SGCZ: variants seen among roughly 807,000 people sequenced by gnomAD.
SGCZ encodes the protein sarcoglycan zeta.
SGCZ carries 40 observed loss-of-function variants against 41.3 expected under a neutral mutation model. The observed-to-expected ratio is 0.97, with a 90% confidence interval of 0.75 to 1.26. The LOEUF is 1.26. SGCZ is among the 50% of genes most tolerant of loss of function. SGCZ has a pLI of 0.00. For synonymous variants in SGCZ, 206 were observed against 137.5 expected (o/e 1.50, Z -3.49); for missense variants, 552 against 369.8 (o/e 1.49, Z -4.04).
chr8:14,709,440 T>C (rs1471943647), intron 1 of SGCZ, among the ~76,000 whole-genome samples: 1 of 152,146 alleles, frequency 6.6e-6, no homozygotes, highest in Non-Finnish European at 1.5e-5. Flanking sequence ...AAAGCTCAAT[T>C]ACTCTTACAG....
chr8:14,954,916 G>T (rs1283809996), intron 1 of SGCZ, among the ~76,000 whole-genome samples: 6 of 152,238 alleles, frequency 3.9e-5, no homozygotes, highest in African/African-American at 1.2e-4. Context: ...ACATAAATTT[G>T]TAACAGCTTA....
Position 14,337,325 on chromosome 8 carries a change from G to C in SGCZ, c.235-13121C>G, listed in dbSNP as rs561577501. The stretch of plus-strand genomic sequence containing the variant: ...GAGTTGGCCCTGATAAGGTGGAAGA[G>C]ACTATTATCTATTTAGAAGGAGTGA... On this transcript the variant is annotated intron_variant, in intron 2 of 7. Transcript: ENST00000382080. Among the ~76,000 whole-genome samples the C allele has an allele frequency of 1.9e-3, 292 of 152,250 alleles. 1 individual carries two copies. The highest frequency in any genetic ancestry group is 6.9e-3 in the African/African-American group (286 of 41,558).
At chr8:15,023,748 G>C (rs1803343464) in intron 1 of SGCZ, among the ~76,000 whole-genome samples, 1 of 152,132 alleles carries the variant, frequency 6.6e-6, no homozygotes, top group South Asian at 2.1e-4. Context: ...ATAGAGTATT[G>C]AATAGTGGAC....
At chr8:14,388,101 AT>A (rs1176687045) in intron 2 of SGCZ, among the ~76,000 whole-genome samples, 1 of 152,160 alleles carries the variant, frequency 6.6e-6, no homozygotes. Context: ...AAAATGGTAA[AT>A]TTGAAGTGAA....
In SGCZ at chr8:14,434,690, G is replaced by T. The variant is rs113875156; in HGVS notation, c.235-110486C>A. ...CTTGTAGGGGTCTTTTACCTCCTTGGCTAGGTATAGTTCCAAATATTTTAA... is the reference window on the plus strand; with the variant it reads ...CTTGTAGGGGTCTTTTACCTCCTTGTCTAGGTATAGTTCCAAATATTTTAA... On this transcript the variant is annotated intron_variant, in intron 2 of 7. Transcript: ENST00000382080. 1.8e-4 allele frequency among the ~76,000 whole-genome samples: 28 copies of T among 152,184 alleles called. 1 individual carries two copies. The highest frequency in any genetic ancestry group is 6.0e-4 in the African/African-American group (25 of 41,490).
At chr8:14,126,500 G>A (rs1052466321) in intron 5 of SGCZ, among the ~76,000 whole-genome samples, 6 of 149,356 alleles carry the variant, frequency 4.0e-5, no homozygotes, top group Non-Finnish European at 8.9e-5. Flanking sequence ...AGATGCTAGA[G>A]CAGCTGTGGA....
intron 1 of SGCZ, among the ~76,000 whole-genome samples, chr8:14,871,410 A>T (rs2130703129): frequency 6.6e-6 from 1 of 152,306 alleles, no homozygotes; most frequent in South Asian, 2.1e-4. Context: ...ATCATAAATC[A>T]TTCTACTATA....
At chr8:14,766,388 T>C (rs1800035612) in intron 1 of SGCZ, among the ~76,000 whole-genome samples, 1 of 152,080 alleles carries the variant, frequency 6.6e-6, no homozygotes, top group Non-Finnish European at 1.5e-5. Context: ...TCAAAAGAAT[T>C]TGTTTACTTA....
intron 1 of SGCZ, among the ~76,000 whole-genome samples, chr8:15,062,280 C>G (rs1008840022): frequency 6.6e-5 from 10 of 152,198 alleles, no homozygotes; most frequent in African/African-American, 1.9e-4. Flanking sequence ...ATGACACAAC[C>G]ATTATGCAAC....
intron 1 of SGCZ, among the ~76,000 whole-genome samples, chr8:14,910,345 A>G (rs1423109375): frequency 1.3e-5 from 2 of 152,066 alleles, no homozygotes; most frequent in Admixed American, 6.6e-5. Context: ...TCACAGTACC[A>G]TTTAATACAT....
intron 4 of SGCZ, among the ~76,000 whole-genome samples, chr8:14,189,221 C>G (rs1805012809): frequency 6.6e-6 from 1 of 152,104 alleles, no homozygotes; most frequent in Admixed American, 6.6e-5. Flanking sequence ...AAACGCCAAT[C>G]TTAGTGGGTA....
chr8:14,572,783 G>T (rs78504150), intron 1 of SGCZ, among the ~76,000 whole-genome samples: 6 of 148,880 alleles, frequency 4.0e-5, no homozygotes, highest in African/African-American at 9.7e-5. Flanking sequence ...TACTCAACAA[G>T]CTCCAAAAAT....
At chr8:14,618,574 A>G (rs1005002291) in intron 1 of SGCZ, among the ~76,000 whole-genome samples, 3 of 152,206 alleles carry the variant, frequency 2.0e-5, no homozygotes, top group Non-Finnish European at 4.4e-5. Context: ...CAGGCAGCCT[A>G]TGCAGTGTTT....
intron 1 of SGCZ, among the ~76,000 whole-genome samples, chr8:14,765,825 A>G (rs1458211571): frequency 6.6e-6 from 1 of 152,208 alleles, no homozygotes; most frequent in Non-Finnish European, 1.5e-5. Flanking sequence ...AGCCTGCAAA[A>G]AAGTTAAATC....
At chr8:14,437,457 C>G (rs1461240344) in intron 2 of SGCZ, among the ~76,000 whole-genome samples, 1 of 152,042 alleles carries the variant, frequency 6.6e-6, no homozygotes. Context: ...ATTAAGCATA[C>G]ATTAAAGAAA....
At chr8:14,978,235 A>AG (rs71209095) in intron 1 of SGCZ, among the ~76,000 whole-genome samples, 58,742 of 151,400 alleles carry the variant, frequency 0.39, 12,529 homozygotes, top group Non-Finnish European at 0.46. Flanking sequence ...TAGGAGGCTG[A>AG]GGGGGGTGGA....
intron 2 of SGCZ, among the ~76,000 whole-genome samples, chr8:14,337,225 G>T (rs1279751637): frequency 1.3e-5 from 2 of 152,098 alleles, no homozygotes; most frequent in African/African-American, 4.8e-5. Context: ...CCCCTTCCTT[G>T]TCTATCTTTA....
intron 2 of SGCZ, among the ~76,000 whole-genome samples, chr8:14,394,666 A>C (rs1804916194): frequency 6.6e-6 from 1 of 152,170 alleles, no homozygotes; most frequent in Non-Finnish European, 1.5e-5. Flanking sequence ...ATGAAATGAC[A>C]AAGGCCTAAA....
intron 1 of SGCZ, among the ~76,000 whole-genome samples, chr8:14,728,438 AT>A (rs1425867341): frequency 3.3e-5 from 5 of 152,020 alleles, no homozygotes; most frequent in Admixed American, 1.3e-4. Flanking sequence ...GCAAACAAAA[AT>A]ATCTTTGACA....
Sources: gnomAD v4.1 joint callset for allele counts (sites outside exome capture counted in the v4.1 genomes callset) on GRCh38, gnomAD v4.1.1 for gene constraint, MANE v1.5 for transcripts, NCBI Gene and HGNC (gene_info 2026-07-23, HGNC 2026-07-21) for gene names.